The following DLG2 variants were observed in gnomAD, a reference collection of about 807,000 sequenced individuals.
DLG2 encodes discs large MAGUK scaffold protein 2, also known as disks large homolog 2.
DLG2 carries 45 observed loss-of-function variants against 132.5 expected under a neutral mutation model. The ratio of observed to expected loss-of-function variants is 0.34; its 90% confidence interval spans 0.27 to 0.44. The LOEUF (loss-of-function observed/expected upper bound fraction) is 0.44. Ranked by LOEUF, DLG2 falls within the 20% of genes least tolerant of loss-of-function variation. The probability of loss-of-function intolerance (pLI) is 1.00; values close to 1 mark genes in which losing one functional copy is unlikely to be tolerated. For missense variants in DLG2, 1,045 were observed against 1,196.9 expected (o/e 0.87, Z 1.87); for synonymous variants, 424 against 419.6 (o/e 1.01, Z -0.13).
At chr11:83,714,022 T>C (rs1377689871) in intron 18 of DLG2, among the ~76,000 whole-genome samples, 1 of 152,172 alleles carries the variant, frequency 6.6e-6, no homozygotes, top group Non-Finnish European at 1.5e-5. Context: ...TGGGTCAATG[T>C]TGTGCAAGTG....
intron 6 of DLG2, among the ~76,000 whole-genome samples, chr11:85,096,547 C>T (rs186038950): frequency 6.6e-6 from 1 of 151,898 alleles, no homozygotes; most frequent in East Asian, 2.0e-4. Flanking sequence ...GACACACCAT[C>T]TTTAAGAGCT....
chr11:83,927,552 G>A (rs1382465100), intron 15 of DLG2, among the ~76,000 whole-genome samples: 2 of 152,106 alleles, frequency 1.3e-5, no homozygotes, highest in Non-Finnish European at 2.9e-5. Flanking sequence ...ATAAAAAGAA[G>A]GCCAACATGA....
intron 6 of DLG2, among the ~76,000 whole-genome samples, chr11:84,750,290 G>A (rs996395737): frequency 3.9e-5 from 6 of 151,978 alleles, no homozygotes; most frequent in Non-Finnish European, 8.8e-5. Flanking sequence ...CAGCATCCAT[G>A]AGCTCTTCTT....
chr11:84,137,671 G>T (rs935354429), intron 9 of DLG2, among the ~76,000 whole-genome samples: 1 of 152,112 alleles, frequency 6.6e-6, no homozygotes, highest in Non-Finnish European at 1.5e-5. Context: ...ATGAAAGAAT[G>T]CTTCCACCAT....
rs75869488 is a variant in DLG2, at chr11:84,259,691, G to C, written c.520-8400C>G. Among the ~76,000 whole-genome samples the C allele has an allele frequency of 9.9e-4, 150 of 152,278 alleles. 1 individual carries two copies. Among genetic ancestry groups the C allele is most frequent in the African/African-American group, 3.3e-3 (138 of 41,570 alleles). On this transcript the variant is annotated intron_variant, in intron 7 of 27. Transcript: ENST00000376104. ...AACACCAGCCTAGCTCAGAAAACAAGGTAGCAGGATGGAAGATTCATGTTT... is the reference window on the plus strand; with the variant it reads ...AACACCAGCCTAGCTCAGAAAACAACGTAGCAGGATGGAAGATTCATGTTT...
chr11:84,720,680 A>AATAAAAATAAACC (rs1404979583), intron 6 of DLG2: 2 of 154,986 alleles, frequency 1.3e-5, no homozygotes, highest in African/African-American at 4.8e-5. Context: ...AATAAAATAA[A>AATAAAAATAAACC]ATAAAAATAA....
chr11:85,166,295 T>C (rs557797363), intron 4 of DLG2, among the ~76,000 whole-genome samples: 54 of 152,290 alleles, frequency 3.5e-4, no homozygotes, highest in African/African-American at 1.3e-3. Context: ...TCAATGATTC[T>C]TCATCTAGGC....
intron 6 of DLG2, among the ~76,000 whole-genome samples, chr11:84,575,417 A>C (rs1008370288): frequency 2.0e-5 from 3 of 152,090 alleles, no homozygotes; most frequent in Non-Finnish European, 2.9e-5. Flanking sequence ...CTTAGTTCCA[A>C]CATGGATCCT....
At chr11:84,352,423 G>C (rs540908179) in intron 7 of DLG2, among the ~76,000 whole-genome samples, 1 of 152,282 alleles carries the variant, frequency 6.6e-6, no homozygotes, top group South Asian at 2.1e-4. Context: ...ACGATAGAAA[G>C]AATAAAATGC....
intron 3 of DLG2, among the ~76,000 whole-genome samples, chr11:85,462,549 G>T (rs889551043): frequency 6.6e-6 from 1 of 151,932 alleles, no homozygotes; most frequent in Non-Finnish European, 1.5e-5. Context: ...ACTATCACAA[G>T]GACAAAAAAC....
intron 7 of DLG2, among the ~76,000 whole-genome samples, chr11:84,473,426 T>C (rs894356647): frequency 6.6e-6 from 1 of 152,014 alleles, no homozygotes; most frequent in African/African-American, 2.4e-5. Flanking sequence ...CTTAAGACAT[T>C]GTTCCTGGAG....
At chr11:84,155,097 G>A (rs1298219445) in intron 9 of DLG2, among the ~76,000 whole-genome samples, 2 of 152,122 alleles carry the variant, frequency 1.3e-5, no homozygotes, top group Non-Finnish European at 2.9e-5. Context: ...ATCAAAAAGT[G>A]GACCTATTTT....
chr11:85,077,354 A>G (rs1302369705), intron 6 of DLG2, among the ~76,000 whole-genome samples: 1 of 152,006 alleles, frequency 6.6e-6, no homozygotes, highest in African/African-American at 2.4e-5. Context: ...TCCTATTAAG[A>G]GGCCCACATA....
chr11:83,635,707 A>G (rs2064629776), intron 18 of DLG2, among the ~76,000 whole-genome samples: 1 of 152,090 alleles, frequency 6.6e-6, no homozygotes, highest in Non-Finnish European at 1.5e-5. Flanking sequence ...CCTGCCTTCT[A>G]CCAAATACAT....
intron 11 of DLG2, 28 bp downstream of exon 11, chr11:84,059,287 G>A: frequency 2.5e-6 from 4 of 1,608,334 alleles, no homozygotes; most frequent in Non-Finnish European, 3.4e-6. Context: ...TGTCACTAGT[G>A]TCTGTGAGTC....
At chr11:84,397,955 T>C (rs1323891343) in intron 7 of DLG2, among the ~76,000 whole-genome samples, 1 of 152,220 alleles carries the variant, frequency 6.6e-6, no homozygotes, top group African/African-American at 2.4e-5. Flanking sequence ...AACCATAATT[T>C]GTTTTGATGC....
At chr11:84,450,260 G>C (rs552254311) in intron 7 of DLG2, among the ~76,000 whole-genome samples, 1 of 151,802 alleles carries the variant, frequency 6.6e-6, no homozygotes, top group Non-Finnish European at 1.5e-5. Context: ...ATGTCATGTG[G>C]TAGCTTATGA....
At chr11:83,890,233 T>A (rs17146322) in intron 15 of DLG2, among the ~76,000 whole-genome samples, 30,905 of 152,062 alleles carry the variant, frequency 0.2, 3,299 homozygotes, top group East Asian at 0.37. Context: ...CTAATTCAAA[T>A]TGCCCTGGAT....
chr11:85,268,957 G>A (rs1018321039), intron 4 of DLG2, among the ~76,000 whole-genome samples: 3 of 152,194 alleles, frequency 2.0e-5, no homozygotes, highest in African/African-American at 7.2e-5. Flanking sequence ...TTTCATGTGT[G>A]AGAGAATTTT....
Sources: gnomAD v4.1 joint callset for allele counts (sites outside exome capture counted in the v4.1 genomes callset) on GRCh38, gnomAD v4.1.1 for gene constraint, MANE v1.5 for transcripts, NCBI Gene and HGNC (gene_info 2026-07-23, HGNC 2026-07-21) for gene names.